The following ZFPM2 variants were observed in gnomAD, a reference collection of about 807,000 sequenced individuals.
The protein encoded by ZFPM2 is zinc finger protein ZFPM2.
A neutral mutation model predicts 98.6 loss-of-function variants in ZFPM2; 20 were observed. That is an observed-to-expected ratio of 0.20 (90% CI 0.14 to 0.29). ZFPM2 has a LOEUF of 0.29. Ranked by LOEUF, ZFPM2 falls within the 10% of genes least tolerant of loss-of-function variation. The probability of loss-of-function intolerance (pLI) is 1.00; values close to 1 mark genes in which losing one functional copy is unlikely to be tolerated. For synonymous variants in ZFPM2, 518 were observed against 502.7 expected, an observed-to-expected ratio of 1.03 and a Z score of -0.41; for missense variants, 1,310 against 1,388.6, an observed-to-expected ratio of 0.94 and a Z score of 0.90.
intron 5 of ZFPM2, among the ~76,000 whole-genome samples, chr8:105,661,716 G>A (rs1159646000): frequency 6.6e-6 from 1 of 151,722 alleles, no homozygotes; most frequent in Non-Finnish European, 1.5e-5. Context: ...CTAAAGTTGT[G>A]TCAACGGGAG....
chr8:105,418,782 G>A (rs535089711), intron 1 of ZFPM2: 2 of 511,182 alleles, frequency 3.9e-6, no homozygotes, highest in African/African-American at 1.9e-5. Flanking sequence ...GTGTAAAAGA[G>A]ACTTGTACTC....
chr8:105,442,023 TG>T (rs1336771382), intron 2 of ZFPM2, among the ~76,000 whole-genome samples: 1 of 152,078 alleles, frequency 6.6e-6, no homozygotes, highest in East Asian at 1.9e-4. Context: ...GTTTTAAAAA[TG>T]TTTTAAAAAT....
chr8:105,483,210 T>A (rs1586405162), intron 3 of ZFPM2, among the ~76,000 whole-genome samples: 1 of 152,062 alleles, frequency 6.6e-6, no homozygotes, highest in Non-Finnish European at 1.5e-5. Context: ...AATGTTCTCT[T>A]AATAATAAAT....
At chr8:105,478,841 A>T (rs1813060944) in intron 3 of ZFPM2, among the ~76,000 whole-genome samples, 1 of 152,196 alleles carries the variant, frequency 6.6e-6, no homozygotes, top group Non-Finnish European at 1.5e-5. Context: ...GTATTCAGTT[A>T]TCCTACTCTA....
intron 4 of ZFPM2, among the ~76,000 whole-genome samples, chr8:105,596,324 T>C (rs1274657840): frequency 2.0e-5 from 3 of 152,066 alleles, no homozygotes; most frequent in Admixed American, 2.0e-4. Flanking sequence ...TCTTTCATTT[T>C]CTTTTTCTTT....
rs1816431048 is a variant in ZFPM2, at chr8:105,617,020, G to GGAAAAAAAAAAAAAAAAAAA, written c.421-17226_421-17225insGAAAAAAAAAAAAAAAAAAA. 7.1e-5 allele frequency among the ~76,000 whole-genome samples: 2 copies of GGAAAAAAAAAAAAAAAAAAA among 28,120 alleles called. 1 individual carries two copies. Among genetic ancestry groups the GGAAAAAAAAAAAAAAAAAAA allele is most frequent in the African/African-American group, 3.0e-4 (2 of 6,680 alleles). The allele number at this position is 28,120 out of a possible 152,430, so 18.4% of individuals were successfully genotyped here. A position where few individuals can be genotyped will look rare whatever the true frequency, so the allele number is the denominator to read the frequency against. ...GGACTACTGAGCAAGACTCTGTCTC[G>GGAAAAAAAAAAAAAAAAAAA]AAAAAAAAAAAAAAAAAAAAAAAAA... On this transcript the variant is annotated intron_variant, in intron 4 of 7. Coordinates refer to ENST00000407775, the MANE Select transcript of ZFPM2 (RefSeq NM_012082.4).
intron 5 of ZFPM2, among the ~76,000 whole-genome samples, chr8:105,705,490 A>C (rs1371447679): frequency 1.3e-5 from 2 of 152,192 alleles, no homozygotes; most frequent in Non-Finnish European, 2.9e-5. Context: ...ATGACCAAAT[A>C]ATTTACTGTA....
chr8:105,455,602 A>G (rs1320699600), intron 3 of ZFPM2, among the ~76,000 whole-genome samples: 1 of 150,410 alleles, frequency 6.6e-6, no homozygotes, highest in East Asian at 2.1e-4. Flanking sequence ...GAATAAAAAA[A>G]GAAACGACTC....
At chr8:105,598,764 A>G (rs974414983) in intron 4 of ZFPM2, among the ~76,000 whole-genome samples, 1 of 152,156 alleles carries the variant, frequency 6.6e-6, no homozygotes, top group African/African-American at 2.4e-5. Flanking sequence ...AGTCCTTTCA[A>G]AAACTCTTTA....
At chr8:105,589,380 A>G (rs1309817199) in intron 4 of ZFPM2, among the ~76,000 whole-genome samples, 3 of 152,340 alleles carry the variant, frequency 2.0e-5, no homozygotes, top group Admixed American at 1.3e-4. Flanking sequence ...CCTACCAGCC[A>G]TATGGCTATA....
At chr8:105,595,960 A>G (rs1036294400) in intron 4 of ZFPM2, among the ~76,000 whole-genome samples, 1 of 151,676 alleles carries the variant, frequency 6.6e-6, no homozygotes, top group Admixed American at 6.6e-5. Flanking sequence ...AAACCATATA[A>G]ACTGAGAGTA....
At chr8:105,749,251 T>A (rs1812420300) in intron 5 of ZFPM2, among the ~76,000 whole-genome samples, 1 of 152,100 alleles carries the variant, frequency 6.6e-6, no homozygotes, top group Non-Finnish European at 1.5e-5. Context: ...AAAAGTAGTC[T>A]GCCTCTATCT....
At chr8:105,658,586 CAAAAAA>C (rs773181953) in intron 5 of ZFPM2, among the ~76,000 whole-genome samples, 5 of 7,906 alleles carry the variant, frequency 6.3e-4, no homozygotes, top group African/African-American at 1.4e-3. Flanking sequence ...GACTCCGTCT[CAAAAAA>C]AAAAAAAAAA....
intron 1 of ZFPM2, among the ~76,000 whole-genome samples, chr8:105,386,625 G>A (rs564077133): frequency 6.6e-6 from 1 of 152,114 alleles, no homozygotes; most frequent in South Asian, 2.1e-4. Flanking sequence ...GTGAGCAGCA[G>A]CAAGATTTAT....
At chr8:105,571,539 AT>A (rs998587524) in intron 4 of ZFPM2, among the ~76,000 whole-genome samples, 22 of 152,198 alleles carry the variant, frequency 1.4e-4, no homozygotes, top group African/African-American at 5.3e-4. Context: ...TGCCTTTTAA[AT>A]TCTTTCTATT....
chr8:105,540,298 G>A (rs959491173), intron 3 of ZFPM2, among the ~76,000 whole-genome samples: 4 of 151,986 alleles, frequency 2.6e-5, no homozygotes, highest in African/African-American at 9.7e-5. Context: ...TCTCAATGCC[G>A]ACTCTGCTAC....
At chr8:105,688,344 G>T (rs1215101646) in intron 5 of ZFPM2, among the ~76,000 whole-genome samples, 2 of 151,956 alleles carry the variant, frequency 1.3e-5, no homozygotes, top group Non-Finnish European at 2.9e-5. Context: ...AAAAATAAAA[G>T]GGAAATGTAA....
intron 1 of ZFPM2, among the ~76,000 whole-genome samples, chr8:105,351,621 C>T (rs1563616571): frequency 6.6e-6 from 1 of 152,114 alleles, no homozygotes; most frequent in Non-Finnish European, 1.5e-5. Context: ...GAATAAGACT[C>T]AGAATTTTGC....
At chr8:105,400,649 T>A (rs1013369022) in intron 1 of ZFPM2, among the ~76,000 whole-genome samples, 3 of 152,212 alleles carry the variant, frequency 2.0e-5, no homozygotes, top group African/African-American at 7.2e-5. Flanking sequence ...TATGCACTTT[T>A]GGTATATATT....
Sources: allele counts gnomAD v4.1 joint callset (sites outside exome capture counted in the v4.1 genomes callset), GRCh38; gene constraint gnomAD v4.1.1; transcripts MANE v1.5; gene names NCBI Gene and HGNC (gene_info 2026-07-23, HGNC 2026-07-21).